IGFBP5: variants seen among roughly 807,000 people sequenced by gnomAD.
IGFBP5 encodes the protein insulin like growth factor binding protein 5.
In IGFBP5, 12 loss-of-function variants were observed where a neutral mutation model predicts 28.0. That is an observed-to-expected ratio of 0.43 (90% confidence interval 0.27 to 0.69). IGFBP5 has a LOEUF of 0.69. Among genes scored for constraint, IGFBP5 ranks in the 30% least tolerant of loss-of-function variants. IGFBP5 has a pLI of 0.20. For synonymous variants in IGFBP5, 152 were observed against 150.2 expected, an observed-to-expected ratio of 1.01 and a Z score of -0.09; for missense variants, 344 against 381.6, an observed-to-expected ratio of 0.90 and a Z score of 0.82.
rs1688870702 is a variant in IGFBP5, at chr2:216,674,422, C to T, written c.*2329G>A. 1 of 152,848 alleles carries T rather than the reference C, an allele frequency of 6.5e-6. No homozygotes were observed. The highest frequency in any genetic ancestry group is 2.4e-5 in the African/African-American group (1 of 41,586). The allele number at this position is 152,848 out of a possible 1,614,324, so 9.5% of individuals were successfully genotyped here. Reference sequence around the variant, plus strand: ...CTTCTCCTGTCCCCAGCCAACTGTCCTGTCCAGGGGCATAGGAGATAGCCC... The same window carrying T: ...CTTCTCCTGTCCCCAGCCAACTGTCTTGTCCAGGGGCATAGGAGATAGCCC... On this transcript the variant is annotated 3_prime_UTR_variant, in exon 4 of 4. Coordinates refer to ENST00000233813, the MANE Select transcript of IGFBP5 (RefSeq NM_000599.4). This position sits in a 1 kb window ranked among gnomAD's most constrained non-coding sequence, Gnocchi z 4.4.
At position 216,678,985 on chromosome 2, in the gene IGFBP5, G is replaced by C. The variant is rs565418119; in HGVS notation, c.432C>G (p.Ile144Met). 4.3e-6 allele frequency: 7 copies of C among 1,614,172 alleles called. No homozygotes were observed. The highest frequency in any genetic ancestry group is 4.5e-5 in the East Asian group (2 of 44,864). The change falls in exon 2 of 4, where the codon ATC becomes ATG. Residue 144 changes from isoleucine (I) to methionine (M), a missense_variant. By Grantham distance (10) the Ile-to-Met change is conservative (BLOSUM62 1). Transcript: ENST00000233813. ...TCACTGCTTCAGCCTTCAGCTCGGA[G>C]ATGCGGGTGTGTTTGGGCCGGAAGA... The part of the protein sequence containing the change: ...PKIFRPKHTR[I>M]SELKAEAVKK...
At position 216,678,819 on chromosome 2, in the gene IGFBP5, G is replaced by A. The variant is rs754650874; in HGVS notation, c.567+31C>T. On this transcript the variant is annotated intron_variant, in intron 2 of 3. Coordinates refer to ENST00000233813, the MANE Select transcript of IGFBP5 (RefSeq NM_000599.4). ...TAGATGCAGGAAAAGGTCAAAAGCT[G>A]GGAGGGAATGAGGGAATCCCCGAGA... is the stretch of plus-strand genomic sequence containing the variant. 4 of 1,568,440 alleles carry A rather than the reference G, an allele frequency of 2.6e-6. No homozygotes were observed. In the African/African-American group the frequency reaches 4.1e-5, roughly 16 times the overall value.
Position 216,679,163 on chromosome 2 carries a change from G to T in IGFBP5, c.338-84C>A. ...CCCAGGGCTGGGCAGTTTGGGGTGAGGGGAGTAATAAAGGCTGAAGCAGAT... is the reference window on the plus strand; with the variant it reads ...CCCAGGGCTGGGCAGTTTGGGGTGATGGGAGTAATAAAGGCTGAAGCAGAT... On this transcript the variant is annotated intron_variant, in intron 1 of 3. Transcript: ENST00000233813. The surrounding 1 kb of genome is among the most constrained non-coding windows in gnomAD (Gnocchi z 4.6). 9.5e-7 allele frequency: 1 copy of T among 1,055,448 alleles called. No individual in the cohort carries two copies. 65.4% of individuals were successfully genotyped at this position (1,055,448 alleles called of 1,614,324 possible).
intron 3 of IGFBP5, 141 bp from the exon 4 acceptor site, chr2:216,677,023 G>A: frequency 1.2e-6 from 1 of 840,046 alleles, no homozygotes; most frequent in Middle Eastern, 3.5e-4. Context: ...TTGGGTTTCT[G>A]GTGTCCCCAT....
chr2:216,678,831 G>A lies in IGFBP5; in HGVS notation c.567+19C>T. The A allele has an allele frequency of 3.1e-6, 5 of 1,594,882 alleles. No individual in the cohort carries two copies. The highest frequency in any genetic ancestry group is 4.3e-6 in the Non-Finnish European group (5 of 1,164,170). On this transcript the variant is annotated intron_variant, in intron 2 of 3. Transcript: ENST00000233813. ...AAGGTCAAAAGCTGGGAGGGAATGAGGGAATCCCCGAGATGCACCTGCTCA... is the reference window on the plus strand; with the variant it reads ...AAGGTCAAAAGCTGGGAGGGAATGAAGGAATCCCCGAGATGCACCTGCTCA...
intron 1 of IGFBP5, among the ~76,000 whole-genome samples, chr2:216,681,653 G>C (rs2106219622): frequency 6.6e-6 from 1 of 152,264 alleles, no homozygotes; most frequent in Non-Finnish European, 1.5e-5. Flanking sequence ...AAATGGGGGT[G>C]CCATTCCATC....
At chr2:216,686,970 G>A (rs577150759) in intron 1 of IGFBP5, among the ~76,000 whole-genome samples, 1 of 152,202 alleles carries the variant, frequency 6.6e-6, no homozygotes, top group Admixed American at 6.5e-5. Context: ...TATATTCTGA[G>A]GATTAATCAG....
At chr2:216,677,011 C>G (rs1688908789) in intron 3 of IGFBP5, 129 bp from the exon 4 acceptor site, 1 of 968,322 alleles carries the variant, frequency 1.0e-6, no homozygotes, top group South Asian at 2.0e-5. Context: ...TAGACCCGAC[C>G]CTTGGGTTTC....
intron 1 of IGFBP5, among the ~76,000 whole-genome samples, chr2:216,690,107 T>A (rs1019987047): frequency 6.6e-6 from 1 of 152,194 alleles, no homozygotes; most frequent in Admixed American, 6.5e-5. Flanking sequence ...CTTGTTTATT[T>A]TATTATTTAT....
chr2:216,679,137 G>A lies in IGFBP5; in HGVS notation c.338-58C>T, dbSNP rs1341601169. The A allele has an allele frequency of 6.9e-7, 1 of 1,451,582 alleles. No homozygotes were observed. The highest frequency in any genetic ancestry group is 2.3e-5 in the East Asian group (1 of 43,972). The allele number at this position is 1,451,582 out of a possible 1,614,324, so 89.9% of individuals were successfully genotyped here. A position where few individuals can be genotyped will look rare whatever the true frequency, so the allele number is the denominator to read the frequency against. ...GTGGGCCAAGGTGCACACGGCCAGA[G>A]CCCAGGGCTGGGCAGTTTGGGGTGA... On this transcript the variant is annotated intron_variant, in intron 1 of 3. Coordinates refer to ENST00000233813, the MANE Select transcript of IGFBP5 (RefSeq NM_000599.4). This position sits in a 1 kb window ranked among gnomAD's most constrained non-coding sequence, Gnocchi z 4.6.
At position 216,692,674 on chromosome 2, in the gene IGFBP5, T is replaced by C. The variant is rs551779865; in HGVS notation, c.337+1765A>G. Among the ~76,000 whole-genome samples the C allele has an allele frequency of 7.2e-5, 11 of 152,108 alleles. No individual in the cohort carries two copies. The highest frequency in any genetic ancestry group is 1.5e-4 in the Non-Finnish European group (10 of 68,022). ...GGCGGGCAGGACCGCCTTTGAAAAG[T>C]GGATCTTAATAAAAATAATCTCACA... On this transcript the variant is annotated intron_variant, in intron 1 of 3. Coordinates refer to ENST00000233813, the MANE Select transcript of IGFBP5 (RefSeq NM_000599.4). The surrounding 1 kb of genome is among the most constrained non-coding windows in gnomAD (Gnocchi z 4.2).
At chr2:216,677,980 A>C in intron 3 of IGFBP5, 132 bp downstream of exon 3, 2 of 751,620 alleles carry the variant, frequency 2.7e-6, no homozygotes, top group Non-Finnish European at 4.0e-6. Context: ...TGGTATATGA[A>C]TGGGTATCTG....
rs538021527 is a variant in IGFBP5 at position 216,694,043 on chromosome 2, GA to G, written c.337+395del. ...AAAAGAGATTTTTTTTCCAAGTTCAGAAAAAAACCTATGCGGGGCGCGAGGG... is the reference window on the plus strand; with the variant it reads ...AAAAGAGATTTTTTTTCCAAGTTCAGAAAAAACCTATGCGGGGCGCGAGGG... On this transcript the variant is annotated intron_variant, in intron 1 of 3. Transcript: ENST00000233813. The surrounding 1 kb of genome is among the most constrained non-coding windows in gnomAD (Gnocchi z 5.2). 6.6e-6 allele frequency among the ~76,000 whole-genome samples: 1 copy of G among 151,678 alleles called. No individual in the cohort carries two copies. Among genetic ancestry groups the G allele is most frequent in the Non-Finnish European group, 1.5e-5 (1 of 67,918 alleles).
rs755128901 is a variant in IGFBP5 at position 216,679,138 on chromosome 2, C to T, written c.338-59G>A. The T allele has an allele frequency of 1.9e-5, 27 of 1,449,614 alleles. 1 individual carries two copies. In the South Asian group the frequency reaches 2.5e-4, roughly 14 times the overall value. 89.8% of individuals were successfully genotyped at this position (1,449,614 alleles called of 1,614,324 possible). A position where few individuals can be genotyped will look rare whatever the true frequency, so the allele number is the denominator to read the frequency against. ...TGGGCCAAGGTGCACACGGCCAGAG[C>T]CCAGGGCTGGGCAGTTTGGGGTGAG... On this transcript the variant is annotated intron_variant, in intron 1 of 3. Transcript: ENST00000233813. This position sits in a 1 kb window ranked among gnomAD's most constrained non-coding sequence, Gnocchi z 4.6.
In IGFBP5 at chr2:216,679,304, G is replaced by C; in HGVS notation, c.338-225C>G. The stretch of plus-strand genomic sequence containing the variant: ...TGGCATGCTTGGAGTCAAGCAGAGA[G>C]TGCAGGCAGGGAGGCTTCACAGAGG... On this transcript the variant is annotated intron_variant, in intron 1 of 3. Coordinates refer to ENST00000233813, the MANE Select transcript of IGFBP5 (RefSeq NM_000599.4). This position sits in a 1 kb window ranked among gnomAD's most constrained non-coding sequence, Gnocchi z 4.6. The C allele has an allele frequency of 1.7e-6, 1 of 589,762 alleles. No homozygotes were observed. 36.5% of individuals were successfully genotyped at this position (589,762 alleles called of 1,614,324 possible).
At position 216,694,814 on chromosome 2, in the gene IGFBP5, G is replaced by A; in HGVS notation, c.-39C>T. On this transcript the variant is annotated 5_prime_UTR_variant, in exon 1 of 4. Transcript: ENST00000233813. This position sits in a 1 kb window ranked among gnomAD's most constrained non-coding sequence, Gnocchi z 5.2. ...CCCCCTTTACCTCGGGGTGGGGCAG[G>A]AGAGCGAGAGTGCAGGGATAAAGGG... The A allele has an allele frequency of 7.5e-7, 1 of 1,333,006 alleles. No homozygotes were observed. Among genetic ancestry groups the A allele is most frequent in the East Asian group, 3.0e-5 (1 of 33,316 alleles). The allele number at this position is 1,333,006 out of a possible 1,614,324, so 82.6% of individuals were successfully genotyped here.
At chr2:216,682,780 C>T (rs1035982057) in intron 1 of IGFBP5, among the ~76,000 whole-genome samples, 24 of 151,784 alleles carry the variant, frequency 1.6e-4, no homozygotes, top group Non-Finnish European at 2.9e-4. Context: ...GCGATCTCGG[C>T]TCACTGTAAG....
intron 1 of IGFBP5, among the ~76,000 whole-genome samples, chr2:216,691,693 C>T (rs1472769533): frequency 2.6e-5 from 4 of 152,052 alleles, no homozygotes; most frequent in Non-Finnish European, 5.9e-5. Flanking sequence ...GCTTTGGCTG[C>T]CTGCCACCTC....
intron 1 of IGFBP5, among the ~76,000 whole-genome samples, chr2:216,682,330 A>T (rs1056231975): frequency 3.3e-5 from 5 of 152,200 alleles, no homozygotes; most frequent in South Asian, 2.1e-4. Flanking sequence ...AGCCATGGAG[A>T]TTAAAGGGCT....
Sources: allele counts gnomAD v4.1 joint callset (sites outside exome capture counted in the v4.1 genomes callset), GRCh38; gene constraint gnomAD v4.1.1; non-coding constraint Gnocchi (gnomAD v3.1); transcripts MANE v1.5; gene names NCBI Gene and HGNC (gene_info 2026-07-23, HGNC 2026-07-21).